Variants in AGTPBP1 observed in about 807,000 individuals in gnomAD.
AGTPBP1 encodes cytosolic carboxypeptidase 1.
In AGTPBP1, 70 loss-of-function variants were observed where a neutral mutation model predicts 143.9. The observed-to-expected ratio is 0.49, with a 90% CI of 0.40 to 0.59. The LOEUF is 0.59. AGTPBP1 is among the 20% of genes least tolerant of loss of function. The pLI is 0.00. For missense variants in AGTPBP1, 1,229 were observed against 1,464.5 expected (o/e 0.84, Z 2.62); for synonymous variants, 463 against 500.2 (o/e 0.93, Z 0.99).
chr9:85,575,510 A>C, intron 24 of AGTPBP1, 35 bp from the exon 25 acceptor site: 1 of 1,556,582 alleles, frequency 6.4e-7, no homozygotes, highest in Non-Finnish European at 8.7e-7. Context: ...TATAATTACA[A>C]AGTTTGCTAT....
intron 17 of AGTPBP1, among the ~76,000 whole-genome samples, chr9:85,617,487 T>C (rs1185815344): frequency 6.6e-6 from 1 of 152,204 alleles, no homozygotes; most frequent in Non-Finnish European, 1.5e-5. Context: ...AGTATGTCAT[T>C]TTCCACAGGC....
chr9:85,587,722 T>C (rs1470890916), intron 21 of AGTPBP1, among the ~76,000 whole-genome samples: 2 of 152,198 alleles, frequency 1.3e-5, no homozygotes, highest in African/African-American at 4.8e-5. Context: ...AAATCCCATC[T>C]TTCAGAGTGG....
At chr9:85,783,960 CTT>C in the AGTPBP1 span, among the ~76,000 whole-genome samples, 5 of 152,146 alleles carry the variant, frequency 3.3e-5, no homozygotes, top group African/African-American at 1.2e-4. Context: ...GCCTACAAGA[CTT>C]ATATTTTCTT....
the AGTPBP1 span, among the ~76,000 whole-genome samples, chr9:85,778,046 G>A: frequency 6.6e-6 from 1 of 152,212 alleles, no homozygotes; most frequent in East Asian, 1.9e-4. Flanking sequence ...CTCCCCATGA[G>A]GCCATCGGTG....
At chr9:85,659,706 T>C (rs1014981566) in intron 9 of AGTPBP1, among the ~76,000 whole-genome samples, 21 of 152,190 alleles carry the variant, frequency 1.4e-4, no homozygotes, top group African/African-American at 4.6e-4. Flanking sequence ...TCACTATCAG[T>C]GATCCTGAAA....
At chr9:85,705,722 G>A (rs970649457) in intron 2 of AGTPBP1, among the ~76,000 whole-genome samples, 11 of 151,944 alleles carry the variant, frequency 7.2e-5, no homozygotes, top group Non-Finnish European at 1.5e-4. Flanking sequence ...ACGGAGTCTC[G>A]CTCTGTCACC....
chr9:85,742,045 C>G, upstream of AGTPBP1: 1 of 1,182,468 alleles, frequency 8.5e-7, no homozygotes, highest in Non-Finnish European at 1.0e-6. Context: ...GGGGGCGGGG[C>G]GTGCGAGGCC....
At chr9:85,756,223 G>A in the AGTPBP1 span, 1 of 1,593,674 alleles carries the variant, frequency 6.3e-7, no homozygotes, top group Admixed American at 1.9e-5. Context: ...AGAGTCACCT[G>A]GAAAATAAGA....
intron 6 of AGTPBP1, among the ~76,000 whole-genome samples, chr9:85,675,959 A>T (rs1405252235): frequency 6.6e-6 from 1 of 152,164 alleles, no homozygotes; most frequent in Non-Finnish European, 1.5e-5. Context: ...CAGGAGGCAG[A>T]GGTTGCAGTG....
chr9:85,660,103 C>A (rs1833763089), intron 9 of AGTPBP1, among the ~76,000 whole-genome samples: 1 of 151,508 alleles, frequency 6.6e-6, no homozygotes, highest in South Asian at 2.1e-4. Flanking sequence ...AAAAAGAGTT[C>A]TGGCAATTAA....
intron 25 of AGTPBP1, among the ~76,000 whole-genome samples, chr9:85,561,942 C>T (rs1826761058): frequency 6.6e-6 from 1 of 151,058 alleles, no homozygotes; most frequent in African/African-American, 2.4e-5. Context: ...AAGCAGTTCT[C>T]TGCTTCAGCC....
chr9:85,641,512 C>T (rs961760047), intron 13 of AGTPBP1, among the ~76,000 whole-genome samples: 1 of 151,846 alleles, frequency 6.6e-6, no homozygotes, highest in Non-Finnish European at 1.5e-5. Context: ...TCTATTACCC[C>T]GATTTCAAAG....
At chr9:85,569,130 TC>T (rs1293295827) in intron 25 of AGTPBP1, among the ~76,000 whole-genome samples, 1 of 152,060 alleles carries the variant, frequency 6.6e-6, no homozygotes, top group African/African-American at 2.4e-5. Context: ...CACCCCTGTT[TC>T]CCCCCTCAAC....
chr9:85,782,385 C>T, the AGTPBP1 span, among the ~76,000 whole-genome samples: 1 of 152,070 alleles, frequency 6.6e-6, no homozygotes, highest in African/African-American at 2.4e-5. Flanking sequence ...TGTGGTGGTG[C>T]ATGCCTGTAA....
At chr9:85,710,505 A>C (rs984604341) in intron 2 of AGTPBP1, among the ~76,000 whole-genome samples, 19 of 152,104 alleles carry the variant, frequency 1.2e-4, no homozygotes, top group African/African-American at 4.6e-4. Flanking sequence ...AAGTTCTCTA[A>C]CACAGTCTCA....
chr9:85,580,187 A>G (rs1828163255), intron 23 of AGTPBP1, among the ~76,000 whole-genome samples: 1 of 151,288 alleles, frequency 6.6e-6, no homozygotes, highest in South Asian at 2.1e-4. Flanking sequence ...GCGTGAGCCG[A>G]GATTGCACCA....
At chr9:85,717,274 T>A (rs1324645906) in intron 1 of AGTPBP1, among the ~76,000 whole-genome samples, 1 of 152,106 alleles carries the variant, frequency 6.6e-6, no homozygotes, top group Non-Finnish European at 1.5e-5. Context: ...GAGGCCCAGG[T>A]GGGAGGACTG....
chr9:85,681,185 A>G, intron 4 of AGTPBP1, 83 bp downstream of exon 4: 1 of 1,254,010 alleles, frequency 8.0e-7, no homozygotes, highest in Non-Finnish European at 1.1e-6. Flanking sequence ...TTCTGTGTGT[A>G]TTTATACACA....
chr9:85,600,806 A>G (rs78880161), intron 17 of AGTPBP1, among the ~76,000 whole-genome samples: 1 of 152,060 alleles, frequency 6.6e-6, no homozygotes, highest in African/African-American at 2.4e-5. Context: ...ACTCAACTGC[A>G]TCCTGCCCCG....
Sources: gnomAD v4.1 joint callset for allele counts (sites outside exome capture counted in the v4.1 genomes callset) on GRCh38, gnomAD v4.1.1 for gene constraint, MANE v1.5 for transcripts, NCBI Gene and HGNC (gene_info 2026-07-23, HGNC 2026-07-21) for gene names.